Variants in LAMA4 observed in about 807,000 individuals in gnomAD.
LAMA4 encodes the protein laminin subunit alpha-4.
LAMA4 carries 127 observed loss-of-function variants against 207.1 expected under a neutral mutation model. That is an observed-to-expected ratio of 0.61 (90% CI 0.53 to 0.71). LAMA4 has a LOEUF of 0.71. Among genes scored for constraint, LAMA4 ranks in the 30% least tolerant of loss-of-function variants. The probability of loss-of-function intolerance (pLI) is 0.00; values close to 1 mark genes in which losing one functional copy is unlikely to be tolerated. For missense variants in LAMA4, 2,093 were observed against 2,246.5 expected, an observed-to-expected ratio of 0.93 and a Z score of 1.38; for synonymous variants, 761 against 816.0, an observed-to-expected ratio of 0.93 and a Z score of 1.15.
intron 2 of LAMA4, among the ~76,000 whole-genome samples, chr6:112,245,704 G>A (rs1311638237): frequency 2.0e-5 from 3 of 152,014 alleles, no homozygotes; most frequent in Non-Finnish European, 2.9e-5. Flanking sequence ...TAATGTTACG[G>A]GATTTCTCTA....
intron 2 of LAMA4, among the ~76,000 whole-genome samples, chr6:112,230,185 G>A (rs972659127): frequency 5.3e-5 from 8 of 152,108 alleles, no homozygotes; most frequent in Non-Finnish European, 1.0e-4. Flanking sequence ...CATGCACCTG[G>A]CAGCTGTGCA....
chr6:112,141,677 T>C (rs1408960991), intron 20 of LAMA4, among the ~76,000 whole-genome samples, 174 bp from the exon 21 acceptor site: 1 of 152,188 alleles, frequency 6.6e-6, no homozygotes, highest in African/African-American at 2.4e-5. Context: ...CCAGCCTCCC[T>C]GTGGCCACAT....
chr6:112,243,843 A>T (rs1028623446), intron 2 of LAMA4, among the ~76,000 whole-genome samples: 2 of 152,168 alleles, frequency 1.3e-5, no homozygotes, highest in African/African-American at 2.4e-5. Flanking sequence ...GGATTGCCTG[A>T]GGTCGGGAGT....
chr6:112,188,884 G>A, intron 7 of LAMA4: 1 of 531,732 alleles, frequency 1.9e-6, no homozygotes, highest in South Asian at 2.2e-5. Context: ...TGTAAAGACT[G>A]GATAAAATAG....
intron 32 of LAMA4, chr6:112,121,682 AT>A (rs1583644287): frequency 3.0e-6 from 1 of 332,930 alleles, no homozygotes; most frequent in African/African-American, 2.1e-5. Flanking sequence ...TCTGAAAGCA[AT>A]TTGTATGGGA....
chr6:112,140,731 A>G, intron 22 of LAMA4, 29 bp downstream of exon 22: 1 of 1,605,038 alleles, frequency 6.2e-7, no homozygotes, highest in Non-Finnish European at 8.5e-7. Flanking sequence ...TAGATTTGTA[A>G]TAGGTCAAAA....
intron 10 of LAMA4, 85 bp downstream of exon 10, chr6:112,178,036 C>T: frequency 1.0e-6 from 1 of 965,894 alleles, no homozygotes; most frequent in South Asian, 1.3e-5. Context: ...ACAGCAAACA[C>T]TTAACAGTAG....
intron 2 of LAMA4, chr6:112,236,774 T>C (rs1238574656): frequency 6.6e-6 from 1 of 152,202 alleles, no homozygotes; most frequent in Non-Finnish European, 1.5e-5. Flanking sequence ...TCTTGATTTT[T>C]ATAGACATAA....
At chr6:112,154,757 C>T (rs1554336485) in intron 16 of LAMA4, 94 bp downstream of exon 16, 26 of 834,726 alleles carry the variant, frequency 3.1e-5, no homozygotes, top group Non-Finnish European at 5.1e-5. Flanking sequence ...TAATACTATT[C>T]TTTAATCCTA....
intron 31 of LAMA4, among the ~76,000 whole-genome samples, chr6:112,125,585 T>A (rs1039015779): frequency 3.3e-5 from 5 of 152,218 alleles, no homozygotes; most frequent in Non-Finnish European, 7.3e-5. Flanking sequence ...GTTAAAAAAA[T>A]TTAAGGCTGG....
rs782188742 is a variant in LAMA4 at position 112,189,094 on chromosome 6, G to A, written c.814+16C>T. The stretch of plus-strand genomic sequence containing the variant: ...AGAGAAAGTGGGGTTAGTCAATCAT[G>A]TACTGTTATTTTTACTTATGGTTGG... On this transcript the variant is annotated intron_variant, in intron 7 of 38. Transcript: ENST00000230538. 16 of 1,557,932 alleles carry A rather than the reference G, an allele frequency of 1.0e-5. No individual in the cohort carries two copies. The highest frequency in any genetic ancestry group is 1.4e-5 in the African/African-American group (1 of 73,714).
rs148029059 is a variant in LAMA4, at chr6:112,210,456, G to A, written c.298-3311C>T. ...GATAATCGATTGCAGATAAGTGTTG[G>A]GATTGCCATTTGGACACCAACTGTG... is the stretch of plus-strand genomic sequence containing the variant. On this transcript the variant is annotated intron_variant, in intron 3 of 38. Coordinates refer to ENST00000230538, the MANE Select transcript of LAMA4 (RefSeq NM_001105206.3). Among the ~76,000 whole-genome samples the A allele has an allele frequency of 3.0e-3, 460 of 152,194 alleles. 3 individuals are homozygous for A. The Middle Eastern group carries it at 0.054, about 18-fold the overall frequency.
At chr6:112,138,654 G>C (rs1032452898) in intron 24 of LAMA4, among the ~76,000 whole-genome samples, 2 of 151,670 alleles carry the variant, frequency 1.3e-5, no homozygotes, top group Non-Finnish European at 2.9e-5. Flanking sequence ...AGCTTTGACT[G>C]TTTCATACTA....
At chr6:112,147,999 T>C (rs1333226043) in intron 18 of LAMA4, among the ~76,000 whole-genome samples, 158 bp downstream of exon 18, 1 of 152,246 alleles carries the variant, frequency 6.6e-6, no homozygotes, top group African/African-American at 2.4e-5. Context: ...GATAGATAGA[T>C]AGATGAACAG....
intron 2 of LAMA4, among the ~76,000 whole-genome samples, chr6:112,230,307 A>C (rs1785470786): frequency 6.6e-6 from 1 of 152,210 alleles, no homozygotes; most frequent in African/African-American, 2.4e-5. Context: ...GACATGACAC[A>C]CTGCAATCTG....
At position 112,172,795 on chromosome 6, in the gene LAMA4, T is replaced by C; in HGVS notation, c.1367A>G (p.Gln456Arg). 4 of 1,613,862 alleles carry C rather than the reference T, an allele frequency of 2.5e-6. No homozygotes were observed. The highest frequency in any genetic ancestry group is 3.4e-6 in the Non-Finnish European group (4 of 1,179,802). ...GTGCAGCCGCTGCCAGCTCTCAGCC[T>C]GGCTCAGTACTGGGAAGAAATGGAG... ...EADEAYELLS[Q>R]AESWQRLHNE... is the part of the protein sequence containing the mutation. The change falls in exon 12 of 39, where the codon CAG (glutamine) becomes CGG (arginine). Residue 456 changes from glutamine to arginine, a missense_variant. Coordinates refer to ENST00000230538, the MANE Select transcript of LAMA4 (RefSeq NM_001105206.3).
intron 5 of LAMA4, among the ~76,000 whole-genome samples, chr6:112,201,243 C>T (rs1239984535): frequency 6.6e-6 from 1 of 152,104 alleles, no homozygotes; most frequent in Non-Finnish European, 1.5e-5. Context: ...ACTGAGGAAA[C>T]CTCACTCTTT....
chr6:112,211,397 AG>A, intron 3 of LAMA4, among the ~76,000 whole-genome samples: 1 of 152,218 alleles, frequency 6.6e-6, no homozygotes, highest in Admixed American at 6.5e-5. Context: ...TTTTGCATTT[AG>A]GGTAGCTTGT....
chr6:112,122,616 A>G (rs1185758065), intron 31 of LAMA4, among the ~76,000 whole-genome samples: 13 of 152,250 alleles, frequency 8.5e-5, no homozygotes, highest in African/African-American at 3.1e-4. Flanking sequence ...ACAGATTATT[A>G]CTTATGCATG....
Sources: gnomAD v4.1 joint callset for allele counts (sites outside exome capture counted in the v4.1 genomes callset) on GRCh38, gnomAD v4.1.1 for gene constraint, MANE v1.5 for transcripts, NCBI Gene and HGNC (gene_info 2026-07-23, HGNC 2026-07-21) for gene names.